CAMTA1: variants seen among roughly 807,000 people sequenced by gnomAD.
CAMTA1 encodes calmodulin binding transcription activator 1, also known as calmodulin-binding transcription activator 1.
Under a neutral mutation model 170.9 loss-of-function variants are expected in CAMTA1, and 27 were observed. That is an observed-to-expected ratio of 0.16 (90% confidence interval 0.12 to 0.22). The LOEUF (loss-of-function observed/expected upper bound fraction) is 0.22. Ranked by LOEUF, CAMTA1 falls within the 10% of genes least tolerant of loss-of-function variation. The pLI is 1.00. For synonymous variants in CAMTA1, 833 were observed against 891.5 expected, an observed-to-expected ratio of 0.93 and a Z score of 1.17; for missense variants, 1,619 against 2,217.2, an observed-to-expected ratio of 0.73 and a Z score of 5.42.
rs529413104 is a variant in CAMTA1 at position 7,472,455 on chromosome 1, A to G, written c.510+4554A>G. Among the ~76,000 whole-genome samples, 13 of 152,198 alleles carry G rather than the reference A, an allele frequency of 8.5e-5. No homozygotes were observed. In the South Asian group the frequency reaches 2.5e-3, roughly 29 times the overall value. On this transcript the variant is annotated intron_variant, in intron 6 of 22. Transcript: ENST00000303635. Reference sequence around the variant, plus strand: ...GGGCAGTGAGCCTCCACCACGCACCACACTTCACCTGGGAGAAAACAGCCT... The same window carrying G: ...GGGCAGTGAGCCTCCACCACGCACCGCACTTCACCTGGGAGAAAACAGCCT...
intron 3 of CAMTA1, among the ~76,000 whole-genome samples, chr1:6,938,544 A>G (rs113881708): frequency 1.3e-5 from 2 of 152,270 alleles, no homozygotes; most frequent in African/African-American, 2.4e-5. Flanking sequence ...GAAGTCAACC[A>G]TGCTGTCCTC....
intron 3 of CAMTA1, among the ~76,000 whole-genome samples, chr1:7,052,537 C>T (rs760590748): frequency 1.4e-4 from 21 of 152,172 alleles, no homozygotes; most frequent in Non-Finnish European, 2.1e-4. Flanking sequence ...TTCCTGGTCT[C>T]ACACCCTCCC....
intron 4 of CAMTA1, among the ~76,000 whole-genome samples, chr1:7,099,108 G>A (rs1003146773): frequency 1.3e-5 from 2 of 152,010 alleles, no homozygotes; most frequent in African/African-American, 4.8e-5. Flanking sequence ...GAGTGCAATC[G>A]TGTGATCTCG....
chr1:7,656,103 C>T (rs1271895296), intron 7 of CAMTA1, among the ~76,000 whole-genome samples: 1 of 152,234 alleles, frequency 6.6e-6, no homozygotes, highest in South Asian at 2.1e-4. Flanking sequence ...GACTTCCCAG[C>T]CTCCAAAACT....
chr1:7,291,901 G>A (rs1247886888), intron 5 of CAMTA1, among the ~76,000 whole-genome samples: 5 of 152,174 alleles, frequency 3.3e-5, no homozygotes, highest in East Asian at 1.9e-4. Context: ...AGCTTCCCCC[G>A]CTGTTTTGAC....
At chr1:7,689,868 G>A (rs937019016) in intron 11 of CAMTA1, among the ~76,000 whole-genome samples, 4 of 152,222 alleles carry the variant, frequency 2.6e-5, no homozygotes, top group African/African-American at 7.2e-5. Flanking sequence ...GATAAGAAAT[G>A]AGCCGGCTAG....
chr1:7,288,099 C>T (rs1177482941), intron 5 of CAMTA1, among the ~76,000 whole-genome samples: 3 of 152,178 alleles, frequency 2.0e-5, no homozygotes, highest in African/African-American at 4.8e-5. Context: ...ATCCGTATTA[C>T]GTATGGATAA....
intron 6 of CAMTA1, among the ~76,000 whole-genome samples, chr1:7,563,143 G>A (rs1390803453): frequency 6.6e-6 from 1 of 152,190 alleles, no homozygotes; most frequent in African/African-American, 2.4e-5. Context: ...TCGGGCTGTA[G>A]CCCCCAGGCA....
In CAMTA1 at chr1:7,698,086, C is replaced by CCA. The variant is rs1553252955; in HGVS notation, c.2914+20354_2914+20355insAC. Among the ~76,000 whole-genome samples the CCA allele has an allele frequency of 7.4e-4, 105 of 142,566 alleles. 2 individuals carry two copies. The highest frequency in any genetic ancestry group is 2.6e-3 in the African/African-American group (102 of 38,826). The allele number at this position is 142,566 out of a possible 152,430, so 93.5% of individuals were successfully genotyped here. On this transcript the variant is annotated intron_variant, in intron 11 of 22. Transcript: ENST00000303635. ...GCCACGCACTGTGACCCCCCCCCCC[C>CCA]CCACCAACATGGCCTTAGACCTGTC...
At chr1:7,134,896 C>T (rs1645457204) in intron 4 of CAMTA1, among the ~76,000 whole-genome samples, 3 of 152,028 alleles carry the variant, frequency 2.0e-5, no homozygotes, top group Admixed American at 6.6e-5. Context: ...CCATAATGAA[C>T]TTCAACAGAT....
chr1:6,937,128 TACCACC>T (rs1489507969), intron 3 of CAMTA1, among the ~76,000 whole-genome samples: 3 of 151,038 alleles, frequency 2.0e-5, no homozygotes, highest in Non-Finnish European at 1.5e-5. Context: ...ATTCACCATT[TACCACC>T]ACCATCACCA....
At chr1:6,937,812 G>A (rs151016318) in intron 3 of CAMTA1, among the ~76,000 whole-genome samples, 104 of 64,382 alleles carry the variant, frequency 1.6e-3, no homozygotes, top group African/African-American at 5.1e-3. Context: ...CATCATCACT[G>A]TCATCACTAC....
chr1:7,627,930 G>A (rs1009809549), intron 6 of CAMTA1, among the ~76,000 whole-genome samples: 6 of 152,190 alleles, frequency 3.9e-5, no homozygotes, highest in Admixed American at 2.6e-4. Context: ...ACACCAGAGG[G>A]TCATCTGAAT....
chr1:6,839,344 T>G (rs1482578964), intron 3 of CAMTA1, among the ~76,000 whole-genome samples: 2 of 151,986 alleles, frequency 1.3e-5, no homozygotes, highest in African/African-American at 4.8e-5. Flanking sequence ...ATCGTGCCAC[T>G]GCACTCCAGC....
At chr1:7,318,304 C>T (rs1314148670) in intron 5 of CAMTA1, among the ~76,000 whole-genome samples, 1 of 152,186 alleles carries the variant, frequency 6.6e-6, no homozygotes, top group Non-Finnish European at 1.5e-5. Context: ...AAAGGCTTCC[C>T]TGGGGTATGG....
chr1:7,380,969 C>T (rs1273245576), intron 5 of CAMTA1, among the ~76,000 whole-genome samples: 2 of 152,062 alleles, frequency 1.3e-5, no homozygotes, highest in Non-Finnish European at 2.9e-5. Context: ...AGGGTTTTAT[C>T]ATAATGCCCT....
At chr1:7,023,419 C>T (rs910141504) in intron 3 of CAMTA1, among the ~76,000 whole-genome samples, 1 of 152,180 alleles carries the variant, frequency 6.6e-6, no homozygotes, top group African/African-American at 2.4e-5. Flanking sequence ...AGCAGACTAG[C>T]AAATTGACCA....
At chr1:7,594,142 G>GAAAGAAAGAAAGAAAGAAA (rs1557972603) in intron 6 of CAMTA1, among the ~76,000 whole-genome samples, 69 of 125,568 alleles carry the variant, frequency 5.5e-4, no homozygotes, top group African/African-American at 2.4e-3. Context: ...AAAGAAAGAA[G>GAAAGAAAGAAAGAAAGAAA]GAAGGAAGGA....
Position 7,007,777 on chromosome 1 carries a change from G to A in CAMTA1, c.235-83527G>A, listed in dbSNP as rs924569036. On this transcript the variant is annotated intron_variant, in intron 3 of 22. Transcript: ENST00000303635. The surrounding 1 kb of genome is among the most constrained non-coding windows in gnomAD (Gnocchi z 4.5). ...GCTTTTCTACCGACTTCTGGGCCGG[G>A]TCATCCACTCCTCCAGAAGAGAGGC... is the stretch of plus-strand genomic sequence containing the variant. Among the ~76,000 whole-genome samples the A allele has an allele frequency of 6.6e-6, 1 of 152,144 alleles. No homozygotes were observed. Among genetic ancestry groups the A allele is most frequent in the Non-Finnish European group, 1.5e-5 (1 of 68,024 alleles).
Sources: allele counts gnomAD v4.1 joint callset (sites outside exome capture counted in the v4.1 genomes callset), GRCh38; gene constraint gnomAD v4.1.1; non-coding constraint Gnocchi (gnomAD v3.1); transcripts MANE v1.5; gene names NCBI Gene and HGNC (gene_info 2026-07-23, HGNC 2026-07-21).